The following KCNIP4 variants were observed in gnomAD, a reference collection of about 807,000 sequenced individuals.
KCNIP4 encodes the protein Kv channel-interacting protein 4.
KCNIP4 carries 12 observed loss-of-function variants against 34.0 expected under a neutral mutation model. That is an observed-to-expected ratio of 0.35 (90% CI 0.23 to 0.57). KCNIP4 has a LOEUF of 0.57. Among genes scored for constraint, KCNIP4 ranks in the 20% least tolerant of loss-of-function variants. KCNIP4 has a pLI of 0.83. For synonymous variants in KCNIP4, 124 were observed against 102.2 expected (o/e 1.21, Z -1.29); for missense variants, 238 against 311.7 (o/e 0.76, Z 1.78).
At chr4:20,902,806 C>T (rs892196817) in intron 1 of KCNIP4, among the ~76,000 whole-genome samples, 1 of 152,178 alleles carries the variant, frequency 6.6e-6, no homozygotes, top group East Asian at 1.9e-4. Flanking sequence ...AAGCGTGAAC[C>T]ACTGTGCCCG....
chr4:20,767,243 G>A (rs1755493823), intron 3 of KCNIP4: 1 of 152,110 alleles, frequency 6.6e-6, no homozygotes, highest in South Asian at 2.1e-4. Flanking sequence ...TTCTATTCTA[G>A]TGTTATAAGT....
intron 5 of KCNIP4, among the ~76,000 whole-genome samples, chr4:20,738,760 CCA>C (rs1274676234): frequency 6.6e-6 from 1 of 151,820 alleles, no homozygotes; most frequent in Non-Finnish European, 1.5e-5. Context: ...TGGATGCAGC[CCA>C]CAGAGTGTGA....
At chr4:21,743,691 A>G (rs1214702709) in intron 1 of KCNIP4, among the ~76,000 whole-genome samples, 1 of 151,168 alleles carries the variant, frequency 6.6e-6, no homozygotes. Flanking sequence ...TCCATATATC[A>G]CTTTTAAAAA....
chr4:21,567,032 T>C (rs1739948723), intron 1 of KCNIP4, among the ~76,000 whole-genome samples: 1 of 152,138 alleles, frequency 6.6e-6, no homozygotes, highest in African/African-American at 2.4e-5. Context: ...CGAAAACTGT[T>C]ATTTCCTATT....
At chr4:21,368,160 A>C (rs1719973410) in intron 1 of KCNIP4, among the ~76,000 whole-genome samples, 1 of 146,848 alleles carries the variant, frequency 6.8e-6, no homozygotes, top group Non-Finnish European at 1.5e-5. Context: ...GGGTAGTGAT[A>C]CCTACTGAGT....
In KCNIP4 at chr4:21,041,848, C is replaced by T. The variant is rs189721436; in HGVS notation, c.62-159139G>A. On this transcript the variant is annotated intron_variant, in intron 1 of 8. Coordinates refer to ENST00000382152, the MANE Select transcript of KCNIP4 (RefSeq NM_025221.6). ...AACACATTGTGGGTTTGGCGGCCAA[C>T]AGCTTCCATGATAAAATCAGTGTGA... Among the ~76,000 whole-genome samples the T allele has an allele frequency of 1.2e-4, 18 of 152,304 alleles. No individual in the cohort carries two copies. The East Asian group carries it at 2.7e-3, about 23-fold the overall frequency.
At chr4:21,829,118 C>T (rs780259934) in intron 1 of KCNIP4, among the ~76,000 whole-genome samples, 38 of 151,902 alleles carry the variant, frequency 2.5e-4, no homozygotes, top group Non-Finnish European at 4.3e-4. Context: ...GTTTGACTTA[C>T]CATTTTTTTA....
chr4:21,541,074 G>A (rs1160895145), intron 1 of KCNIP4, among the ~76,000 whole-genome samples: 6 of 151,882 alleles, frequency 4.0e-5, no homozygotes, highest in African/African-American at 1.2e-4. Flanking sequence ...GGGAGGCTGA[G>A]GTGGGAGAAT....
chr4:21,682,741 T>G (rs943094499), intron 1 of KCNIP4, among the ~76,000 whole-genome samples: 1 of 152,092 alleles, frequency 6.6e-6, no homozygotes, highest in Admixed American at 6.6e-5. Flanking sequence ...TACTGTTGTA[T>G]CTCAGGAAAT....
chr4:20,756,647 G>C (rs562299296), intron 4 of KCNIP4, among the ~76,000 whole-genome samples: 2 of 151,606 alleles, frequency 1.3e-5, no homozygotes, highest in Admixed American at 6.6e-5. Flanking sequence ...CTGCTTGTGC[G>C]CTCCACTCCC....
chr4:20,831,882 A>G (rs1012671990), intron 3 of KCNIP4, among the ~76,000 whole-genome samples: 1 of 152,210 alleles, frequency 6.6e-6, no homozygotes, highest in African/African-American at 2.4e-5. Context: ...ATCTGCTATT[A>G]TTAATAGTTC....
intron 1 of KCNIP4, among the ~76,000 whole-genome samples, chr4:21,142,163 A>G (rs1265245504): frequency 2.0e-5 from 3 of 151,622 alleles, no homozygotes; most frequent in African/African-American, 7.3e-5. Context: ...AAAAAAAAAA[A>G]AAAAAACCCA....
At chr4:21,441,069 T>C (rs1440977803) in intron 1 of KCNIP4, among the ~76,000 whole-genome samples, 3 of 152,122 alleles carry the variant, frequency 2.0e-5, no homozygotes, top group Non-Finnish European at 4.4e-5. Flanking sequence ...CCTGTCATCT[T>C]CTGTATCAAA....
chr4:21,541,180 C>CAAAAAA (rs60459395), intron 1 of KCNIP4, among the ~76,000 whole-genome samples: 34 of 107,474 alleles, frequency 3.2e-4, no homozygotes, highest in Middle Eastern at 6.0e-3. Context: ...CAAAAGAAAA[C>CAAAAAA]AAAAAAAAAA....
At chr4:21,730,142 T>C (rs1250955793) in intron 1 of KCNIP4, 1 of 152,058 alleles carries the variant, frequency 6.6e-6, no homozygotes, top group Admixed American at 6.6e-5. Context: ...ATATTCAGTA[T>C]TGCAACACGG....
chr4:21,118,839 T>A (rs1335090913), intron 1 of KCNIP4, among the ~76,000 whole-genome samples: 1 of 152,064 alleles, frequency 6.6e-6, no homozygotes, highest in East Asian at 1.9e-4. Flanking sequence ...TCCAGACAGA[T>A]CAACCCAAGG....
At chr4:21,038,867 C>T (rs1397498398) in intron 1 of KCNIP4, among the ~76,000 whole-genome samples, 2 of 152,130 alleles carry the variant, frequency 1.3e-5, no homozygotes, top group East Asian at 3.9e-4. Context: ...CTGGAATCTC[C>T]AATCTAAACT....
chr4:20,819,888 T>A (rs1362195922), intron 3 of KCNIP4, among the ~76,000 whole-genome samples: 1 of 152,220 alleles, frequency 6.6e-6, no homozygotes. Context: ...AGAGCCTTGA[T>A]CTTGGACTTG....
intron 1 of KCNIP4, among the ~76,000 whole-genome samples, chr4:21,708,773 C>T (rs531315850): frequency 3.9e-5 from 6 of 152,272 alleles, no homozygotes; most frequent in Admixed American, 6.5e-5. Flanking sequence ...GAACAGAAGT[C>T]ATCAACCGCA....
Sources: gnomAD v4.1 joint callset for allele counts (sites outside exome capture counted in the v4.1 genomes callset) on GRCh38, gnomAD v4.1.1 for gene constraint, MANE v1.5 for transcripts, NCBI Gene and HGNC (gene_info 2026-07-23, HGNC 2026-07-21) for gene names.